Variants in RAPGEF2 observed in about 807,000 individuals in gnomAD.
RAPGEF2 encodes PDZ domain containing guanine nucleotide exchange factor (GEF) 1.
Under a neutral mutation model 186.7 loss-of-function variants are expected in RAPGEF2, and 54 were observed. That is an observed-to-expected ratio of 0.29 (90% CI 0.23 to 0.36). RAPGEF2 has a LOEUF of 0.36. Ranked by LOEUF, RAPGEF2 falls within the 10% of genes least tolerant of loss-of-function variation. The pLI is 1.00. For synonymous variants in RAPGEF2, 712 were observed against 705.9 expected, an observed-to-expected ratio of 1.01 and a Z score of -0.14; for missense variants, 1,532 against 2,045.0, an observed-to-expected ratio of 0.75 and a Z score of 4.84.
At chr4:159,293,897 G>A (rs945915892) in intron 7 of RAPGEF2, among the ~76,000 whole-genome samples, 9 of 152,162 alleles carry the variant, frequency 5.9e-5, no homozygotes, top group Non-Finnish European at 1.3e-4. Flanking sequence ...CATGTGTAAG[G>A]TTGTTATGAG....
Position 159,346,957 on chromosome 4 carries a change from C to T in RAPGEF2, c.3671C>T (p.Pro1224Leu). The T allele has an allele frequency of 6.2e-7, 1 of 1,614,238 alleles. No homozygotes were observed. Among genetic ancestry groups the T allele is most frequent in the Middle Eastern group, 1.6e-4 (1 of 6,062 alleles). The change falls in exon 25 of 30, where the codon CCT becomes CTT. Residue 1224 changes from proline (P) to leucine (L), a missense_variant. Pro to Leu is a moderately conservative substitution (Grantham distance 98). Coordinates refer to ENST00000691494, the MANE Select transcript of RAPGEF2 (RefSeq NM_001394067.2). ...CAGGTTCCCGCCGTGTCCCTTTATCCTTCACGGAAGAAAGTGCCCGTAAAG... is the reference window on the plus strand; with the variant it reads ...CAGGTTCCCGCCGTGTCCCTTTATCTTTCACGGAAGAAAGTGCCCGTAAAG... ...GLQVPAVSLY[P>L]SRKKVPVKDL...
intron 7 of RAPGEF2, among the ~76,000 whole-genome samples, chr4:159,272,992 G>T (rs72967709): frequency 0.035 from 5,384 of 152,216 alleles, 324 homozygotes; most frequent in African/African-American, 0.12. Flanking sequence ...TGTAAACATT[G>T]GGTAGAGTGT....
At chr4:159,153,997 A>G (rs985176292) in intron 1 of RAPGEF2, among the ~76,000 whole-genome samples, 4 of 152,226 alleles carry the variant, frequency 2.6e-5, no homozygotes, top group Admixed American at 6.5e-5. Flanking sequence ...CCATCTTTGC[A>G]ATGATAAACT....
At chr4:159,355,425 G>A (rs1164197779) in intron 28 of RAPGEF2, among the ~76,000 whole-genome samples, 1 of 152,122 alleles carries the variant, frequency 6.6e-6, no homozygotes, top group African/African-American at 2.4e-5. Context: ...GGGCAGATCC[G>A]GCAGGCAGAG....
chr4:159,126,816 T>A (rs1406730099), intron 1 of RAPGEF2, among the ~76,000 whole-genome samples: 2 of 152,150 alleles, frequency 1.3e-5, no homozygotes, highest in East Asian at 3.8e-4. Flanking sequence ...AGGATGGTCT[T>A]TTAGAGGAAA....
chr4:159,189,849 T>C (rs1325017046), intron 2 of RAPGEF2, among the ~76,000 whole-genome samples: 1 of 152,274 alleles, frequency 6.6e-6, no homozygotes, highest in Non-Finnish European at 1.5e-5. Flanking sequence ...ATTGATTGTA[T>C]ACTTACTGTG....
At chr4:159,208,291 A>G (rs542051532) in intron 3 of RAPGEF2, among the ~76,000 whole-genome samples, 3 of 152,382 alleles carry the variant, frequency 2.0e-5, no homozygotes, top group African/African-American at 7.2e-5. Context: ...TAATGTCACA[A>G]TACAGAAACC....
chr4:159,180,373 A>T (rs1746885612), intron 1 of RAPGEF2, among the ~76,000 whole-genome samples: 1 of 152,180 alleles, frequency 6.6e-6, no homozygotes, highest in Admixed American at 6.5e-5. Flanking sequence ...CACGTTGGTC[A>T]AGTTCATATT....
intron 1 of RAPGEF2, among the ~76,000 whole-genome samples, chr4:159,116,781 T>G (rs2111081188): frequency 6.6e-6 from 1 of 152,322 alleles, no homozygotes; most frequent in Non-Finnish European, 1.5e-5. Context: ...GCCATTATCC[T>G]CAGTAAACTA....
chr4:159,286,030 AACCACCACCACCACCACCACCACC>A lies in RAPGEF2; in HGVS notation c.544-18283_544-18260del, dbSNP rs35426817. On this transcript the variant is annotated intron_variant, in intron 7 of 29. Transcript: ENST00000691494. ...CTCTTAACACTTAACTGTTCCCCCC[AACCACCACCACCACCACCACCACC>A]ACCACCACCACCACCACCACCACCA... Among the ~76,000 whole-genome samples the A allele has an allele frequency of 9.7e-3, 863 of 89,302 alleles. 12 individuals carry two copies. The highest frequency in any genetic ancestry group is 0.014 in the Non-Finnish European group (601 of 42,142). The allele number at this position is 89,302 out of a possible 152,430, so 58.6% of individuals were successfully genotyped here. A position where few individuals can be genotyped will look rare whatever the true frequency, so the allele number is the denominator to read the frequency against.
intron 1 of RAPGEF2, among the ~76,000 whole-genome samples, chr4:159,117,197 A>G (rs944943094): frequency 2.6e-5 from 4 of 152,198 alleles, no homozygotes; most frequent in Non-Finnish European, 4.4e-5. Flanking sequence ...ATAAGGAGGA[A>G]TTTGATAGCA....
intron 28 of RAPGEF2, among the ~76,000 whole-genome samples, chr4:159,354,881 C>CTA (rs1731734937): frequency 6.6e-6 from 1 of 152,180 alleles, no homozygotes; most frequent in South Asian, 2.1e-4. Flanking sequence ...CAATTAACAT[C>CTA]TATATAGACG....
At chr4:159,186,866 T>C (rs1488216150) in intron 2 of RAPGEF2, among the ~76,000 whole-genome samples, 154 bp downstream of exon 2, 1 of 152,188 alleles carries the variant, frequency 6.6e-6, no homozygotes, top group Non-Finnish European at 1.5e-5. Flanking sequence ...ATGTATACAA[T>C]GTATTGTGAT....
At chr4:159,341,046 A>G (rs549558990) in intron 19 of RAPGEF2, among the ~76,000 whole-genome samples, 36 of 152,318 alleles carry the variant, frequency 2.4e-4, no homozygotes, top group Admixed American at 1.7e-3. Flanking sequence ...TATTCATAGG[A>G]TCAAATAGAG....
intron 7 of RAPGEF2, among the ~76,000 whole-genome samples, chr4:159,251,871 T>C (rs895561816): frequency 2.0e-5 from 3 of 151,736 alleles, no homozygotes; most frequent in African/African-American, 7.3e-5. Context: ...CTGCTTGGGT[T>C]CGTTTCCACA....
At chr4:159,242,542 G>A (rs1339400919) in intron 6 of RAPGEF2, among the ~76,000 whole-genome samples, 1 of 151,954 alleles carries the variant, frequency 6.6e-6, no homozygotes. Context: ...CTAGCAACCT[G>A]ACTACTCCTC....
intron 1 of RAPGEF2, among the ~76,000 whole-genome samples, chr4:159,153,874 G>A (rs1231996045): frequency 6.6e-6 from 1 of 152,138 alleles, no homozygotes; most frequent in African/African-American, 2.4e-5. Context: ...TGCATTAAAA[G>A]GACATATACA....
At chr4:159,334,894 TATC>T (rs1767184597) in intron 17 of RAPGEF2, among the ~76,000 whole-genome samples, 1 of 152,198 alleles carries the variant, frequency 6.6e-6, no homozygotes. Flanking sequence ...TTTAAAGATT[TATC>T]ATGAAAATTA....
intron 7 of RAPGEF2, among the ~76,000 whole-genome samples, chr4:159,271,188 C>G (rs1340159454): frequency 6.6e-6 from 1 of 151,958 alleles, no homozygotes; most frequent in South Asian, 2.1e-4. Context: ...CCCATCTTGC[C>G]CAGCTCAGAT....
Sources: allele counts gnomAD v4.1 joint callset (sites outside exome capture counted in the v4.1 genomes callset), GRCh38; gene constraint gnomAD v4.1.1; transcripts MANE v1.5; gene names NCBI Gene and HGNC (gene_info 2026-07-23, HGNC 2026-07-21).